Variants in ZCCHC17 observed in about 807,000 individuals in gnomAD.
ZCCHC17 encodes zinc finger CCHC-type containing 17.
Under a neutral mutation model 30.6 loss-of-function variants are expected in ZCCHC17, and 18 were observed. That is an observed-to-expected ratio of 0.59 (90% CI 0.41 to 0.87). The LOEUF (loss-of-function observed/expected upper bound fraction) is 0.87, where lower values mean the gene tolerates loss of function less well. Ranked by LOEUF, ZCCHC17 falls within the 40% of genes least tolerant of loss-of-function variation. The pLI is 0.00. For missense variants in ZCCHC17, 263 were observed against 284.2 expected, an observed-to-expected ratio of 0.93 and a Z score of 0.54; for synonymous variants, 88 against 92.4, an observed-to-expected ratio of 0.95 and a Z score of 0.27.
At chr1:31,337,344 G>A in intron 4 of ZCCHC17, 69 bp downstream of exon 4, 2 of 1,325,772 alleles carry the variant, frequency 1.5e-6, no homozygotes, top group Non-Finnish European at 2.1e-6. Context: ...GATATTTTAT[G>A]ATAGTGAGTG....
At chr1:31,344,614 G>C (rs1443429299) in intron 5 of ZCCHC17, among the ~76,000 whole-genome samples, 3 of 152,146 alleles carry the variant, frequency 2.0e-5, no homozygotes, top group Non-Finnish European at 2.9e-5. Context: ...TGGCAATGAG[G>C]ACAAAAAGAG....
At chr1:31,304,504 G>A (rs747799040) in intron 1 of ZCCHC17, among the ~76,000 whole-genome samples, 5 of 151,570 alleles carry the variant, frequency 3.3e-5, no homozygotes, top group Non-Finnish European at 4.4e-5. Flanking sequence ...GGCTATTCTC[G>A]AACTCCTGGG....
intron 7 of ZCCHC17, among the ~76,000 whole-genome samples, chr1:31,359,168 G>A (rs1639765376): frequency 6.6e-6 from 1 of 152,094 alleles, no homozygotes; most frequent in South Asian, 2.1e-4. Context: ...GTCTCACTAT[G>A]TTTTCCAGGC....
chr1:31,345,562 A>ATTATATTATAC (rs71035094), intron 5 of ZCCHC17, among the ~76,000 whole-genome samples: 1 of 99,824 alleles, frequency 1.0e-5, no homozygotes, highest in African/African-American at 4.0e-5. Context: ...ATATATATAT[A>ATTATATTATAC]ATATAATATA....
chr1:31,330,231 G>A (rs1177236128), intron 3 of ZCCHC17, among the ~76,000 whole-genome samples: 3 of 152,204 alleles, frequency 2.0e-5, no homozygotes, highest in Admixed American at 2.0e-4. Context: ...GGTTTTAAGG[G>A]GACTATAATG....
At chr1:31,336,058 T>G (rs1301071221) in intron 3 of ZCCHC17, among the ~76,000 whole-genome samples, 1 of 152,068 alleles carries the variant, frequency 6.6e-6, no homozygotes, top group African/African-American at 2.4e-5. Flanking sequence ...ATTTATGTAT[T>G]TATGTATGTA....
intron 7 of ZCCHC17, among the ~76,000 whole-genome samples, chr1:31,363,617 C>T (rs1335791558): frequency 6.6e-6 from 1 of 152,082 alleles, no homozygotes; most frequent in Non-Finnish European, 1.5e-5. Context: ...CATGGAGAAA[C>T]CCAACTCCAT....
intron 3 of ZCCHC17, among the ~76,000 whole-genome samples, chr1:31,326,983 G>A (rs951440136): frequency 1.3e-5 from 2 of 152,120 alleles, no homozygotes; most frequent in Non-Finnish European, 2.9e-5. Context: ...AATTTGAGCT[G>A]GTTTCCCAGA....
rs1045971523 is a variant in ZCCHC17, at chr1:31,364,712, C to T, written c.*519C>T. On this transcript the variant is annotated 3_prime_UTR_variant, in exon 8 of 8. Coordinates refer to ENST00000344147, the MANE Select transcript of ZCCHC17 (RefSeq NM_016505.4). Reference sequence around the variant, plus strand: ...GTGGTGCTCACTTTTCCCATTCCTCCTAACATAGTTCTACTATGCTAGAAG... The same window carrying T: ...GTGGTGCTCACTTTTCCCATTCCTCTTAACATAGTTCTACTATGCTAGAAG... 6.5e-6 allele frequency: 1 copy of T among 154,842 alleles called. No homozygotes were observed. Among genetic ancestry groups the T allele is most frequent in the African/African-American group, 2.4e-5 (1 of 41,484 alleles). 9.6% of individuals were successfully genotyped at this position (154,842 alleles called of 1,614,324 possible).
intron 3 of ZCCHC17, among the ~76,000 whole-genome samples, chr1:31,329,390 A>C (rs528359808): frequency 6.6e-6 from 1 of 152,290 alleles, no homozygotes; most frequent in Admixed American, 6.5e-5. Flanking sequence ...ATCCAGCACT[A>C]AACTATGAAA....
At chr1:31,317,625 T>C (rs951809701) in intron 2 of ZCCHC17, among the ~76,000 whole-genome samples, 7 of 111,180 alleles carry the variant, frequency 6.3e-5, no homozygotes, top group African/African-American at 2.1e-4. Flanking sequence ...ATACCTATAC[T>C]GTTATTTTTT....
chr1:31,309,872 A>T (rs1223847470), intron 1 of ZCCHC17, among the ~76,000 whole-genome samples, 172 bp from the exon 2 acceptor site: 1 of 152,214 alleles, frequency 6.6e-6, no homozygotes, highest in Non-Finnish European at 1.5e-5. Context: ...GAGAAATAGG[A>T]TCAAGGTTTC....
chr1:31,326,998 A>G (rs1403507472), intron 3 of ZCCHC17, among the ~76,000 whole-genome samples: 2 of 152,020 alleles, frequency 1.3e-5, no homozygotes, highest in East Asian at 3.9e-4. Context: ...CCCAGATGTC[A>G]TGTTCTCAGA....
intron 2 of ZCCHC17, among the ~76,000 whole-genome samples, chr1:31,313,862 C>A (rs1307980976): frequency 1.3e-5 from 2 of 149,392 alleles, no homozygotes; most frequent in Non-Finnish European, 3.0e-5. Context: ...CTTCTCTTCT[C>A]TTCTTTCTCT....
At chr1:31,334,377 G>C (rs1255578081) in intron 3 of ZCCHC17, among the ~76,000 whole-genome samples, 2 of 148,974 alleles carry the variant, frequency 1.3e-5, no homozygotes, top group South Asian at 4.3e-4. Flanking sequence ...GTGTGTGTGT[G>C]TGTGTGTGTG....
intron 7 of ZCCHC17, 64 bp from the exon 8 acceptor site, chr1:31,363,968 T>C (rs1640031513): frequency 6.3e-7 from 1 of 1,575,070 alleles, no homozygotes. Flanking sequence ...TGGCCAATTA[T>C]GTGCTATGAT....
chr1:31,308,079 A>G (rs1211166083), intron 1 of ZCCHC17, among the ~76,000 whole-genome samples: 1 of 152,204 alleles, frequency 6.6e-6, no homozygotes, highest in Non-Finnish European at 1.5e-5. Context: ...GGACAGAGGG[A>G]AAGGACAGGC....
At chr1:31,313,619 T>C (rs949175363) in intron 2 of ZCCHC17, among the ~76,000 whole-genome samples, 1 of 152,178 alleles carries the variant, frequency 6.6e-6, no homozygotes, top group Admixed American at 6.5e-5. Flanking sequence ...ACAGCTCTGC[T>C]CTTTAAAGCC....
chr1:31,303,518 G>T (rs1646370767), intron 1 of ZCCHC17, among the ~76,000 whole-genome samples: 2 of 152,188 alleles, frequency 1.3e-5, no homozygotes, highest in African/African-American at 4.8e-5. Flanking sequence ...TCAGTAAGGT[G>T]ACACATTAAA....
Sources: allele counts gnomAD v4.1 joint callset (sites outside exome capture counted in the v4.1 genomes callset), GRCh38; gene constraint gnomAD v4.1.1; transcripts MANE v1.5; gene names NCBI Gene and HGNC (gene_info 2026-07-23, HGNC 2026-07-21).